DNAAF9: variants seen among roughly 807,000 people sequenced by gnomAD.
DNAAF9 encodes shulin.
In DNAAF9, 90 loss-of-function variants were observed where a neutral mutation model predicts 167.0. That is an observed-to-expected ratio of 0.54 (90% CI 0.45 to 0.64). The LOEUF is 0.64. Among genes scored for constraint, DNAAF9 ranks in the 30% least tolerant of loss-of-function variants. The pLI is 0.00. For missense variants in DNAAF9, 1,315 were observed against 1,442.2 expected, an observed-to-expected ratio of 0.91 and a Z score of 1.43; for synonymous variants, 491 against 508.8, an observed-to-expected ratio of 0.96 and a Z score of 0.47.
intron 17 of DNAAF9, 119 bp from the exon 18 acceptor site, chr20:3,316,912 T>TG (rs2069512479): frequency 8.8e-6 from 5 of 568,618 alleles, no homozygotes; most frequent in African/African-American, 1.9e-5. Flanking sequence ...TTTTTTTTTT[T>TG]GAGACAGAAT....
At chr20:3,372,215 C>CTGGA (rs2083519526) in intron 6 of DNAAF9, among the ~76,000 whole-genome samples, 4 of 152,192 alleles carry the variant, frequency 2.6e-5, no homozygotes, top group Admixed American at 2.6e-4. Flanking sequence ...AGTCATCAGG[C>CTGGA]CATCAGAGTG....
At chr20:3,403,654 TATA>T (rs763801007) in intron 1 of DNAAF9, among the ~76,000 whole-genome samples, 1 of 151,598 alleles carries the variant, frequency 6.6e-6, no homozygotes, top group Non-Finnish European at 1.5e-5. Context: ...ACAAACATGC[TATA>T]ATATCTGCCC....
chr20:3,365,187 C>T (rs990445087), intron 6 of DNAAF9, among the ~76,000 whole-genome samples: 1 of 152,052 alleles, frequency 6.6e-6, no homozygotes, highest in Non-Finnish European at 1.5e-5. Flanking sequence ...GTTGCTCAGA[C>T]TGATCTTGAA....
At chr20:3,289,542 C>A (rs148597683) in intron 26 of DNAAF9, among the ~76,000 whole-genome samples, 1 of 152,138 alleles carries the variant, frequency 6.6e-6, no homozygotes, top group East Asian at 1.9e-4. Context: ...TTTTTTTAAT[C>A]AGGGTCTCAC....
intron 3 of DNAAF9, among the ~76,000 whole-genome samples, chr20:3,377,416 A>G (rs879637782): frequency 3.3e-5 from 5 of 151,770 alleles, no homozygotes; most frequent in Non-Finnish European, 7.4e-5. Context: ...TATGTGATGT[A>G]CCTTACTGCT....
At chr20:3,318,208 T>C in intron 17 of DNAAF9, 81 bp downstream of exon 17, 1 of 674,258 alleles carries the variant, frequency 1.5e-6, no homozygotes, top group South Asian at 1.7e-5. Context: ...TGTTGGCCTT[T>C]TGCCTTAGTT....
intron 17 of DNAAF9, among the ~76,000 whole-genome samples, chr20:3,317,208 G>C (rs963166898): frequency 6.6e-6 from 1 of 151,616 alleles, no homozygotes; most frequent in Non-Finnish European, 1.5e-5. Context: ...CAAAAAATAT[G>C]AAAAATTAGC....
chr20:3,265,780 C>T (rs1268154548), intron 30 of DNAAF9, among the ~76,000 whole-genome samples: 13 of 150,260 alleles, frequency 8.7e-5, no homozygotes, highest in East Asian at 2.0e-4. Context: ...TGAGTTCAAG[C>T]GATTCTCCTG....
intron 20 of DNAAF9, chr20:3,307,193 A>G (rs1337348255): frequency 1.4e-5 from 14 of 978,784 alleles, no homozygotes; most frequent in Non-Finnish European, 1.7e-5. Context: ...TGAAGCCTCA[A>G]AACAAAATGG....
chr20:3,400,050 G>C (rs2083962144), intron 1 of DNAAF9, among the ~76,000 whole-genome samples: 2 of 152,174 alleles, frequency 1.3e-5, no homozygotes, highest in African/African-American at 4.8e-5. Flanking sequence ...AATGGAAAAT[G>C]TTATCTGAAG....
At chr20:3,352,744 C>T (rs2070348242) in intron 7 of DNAAF9, among the ~76,000 whole-genome samples, 1 of 152,052 alleles carries the variant, frequency 6.6e-6, no homozygotes, top group Non-Finnish European at 1.5e-5. Context: ...ATCTTCAGTA[C>T]TGCCTCTACT....
chr20:3,407,181 G>C (rs2084071879), intron 1 of DNAAF9, among the ~76,000 whole-genome samples: 1 of 152,104 alleles, frequency 6.6e-6, no homozygotes, highest in Non-Finnish European at 1.5e-5. Flanking sequence ...CGTCATAACA[G>C]TGTCTTCACA....
intron 31 of DNAAF9, 124 bp from the exon 32 acceptor site, chr20:3,260,152 A>C (rs1366660404): frequency 1.9e-6 from 1 of 534,230 alleles, no homozygotes; most frequent in Non-Finnish European, 3.4e-6. Flanking sequence ...ATCCTGGCTA[A>C]CAAGGTGAAA....
Position 3,253,823 on chromosome 20 carries a change from T to C in DNAAF9, c.3328-4A>G. ...GGGGTTCCAAGTGGCGTTTTACCTG[T>C]AGGAGAAAAGAGACCTGTAATAATT... On this transcript the variant is annotated splice_polypyrimidine_tract_variant and splice_region_variant and intron_variant, in intron 35 of 36. Transcript: ENST00000252032. 6.5e-7 allele frequency: 1 copy of C among 1,541,128 alleles called. No homozygotes were observed. The highest frequency in any genetic ancestry group is 9.0e-7 in the Non-Finnish European group (1 of 1,113,506).
chr20:3,346,415 A>T (rs1001619893), intron 8 of DNAAF9, among the ~76,000 whole-genome samples: 2 of 152,222 alleles, frequency 1.3e-5, no homozygotes, highest in African/African-American at 4.8e-5. Context: ...TTATGTGCAC[A>T]TACAAGAGGG....
At position 3,368,336 on chromosome 20, in the gene DNAAF9, C is replaced by T. The variant is rs138444950; in HGVS notation, c.612+5712G>A. Among the ~76,000 whole-genome samples the T allele has an allele frequency of 7.3e-3, 1,104 of 152,102 alleles. 11 individuals carry two copies. The highest frequency in any genetic ancestry group is 0.023 in the African/African-American group (971 of 41,480). ...TCAAGGGGCTCACATTGATTGTTTC[C>T]GTCTCTCAGGGAATCAGGATTCCTC... On this transcript the variant is annotated intron_variant, in intron 6 of 36. Transcript: ENST00000252032.
At chr20:3,348,388 T>C (rs2070238761) in intron 8 of DNAAF9, 137 bp downstream of exon 8, 2 of 450,482 alleles carry the variant, frequency 4.4e-6, no homozygotes, top group East Asian at 6.7e-5. Context: ...GGAACTACTT[T>C]ATGGTATACA....
chr20:3,270,127 C>A (rs2068566880), intron 30 of DNAAF9, among the ~76,000 whole-genome samples: 1 of 144,834 alleles, frequency 6.9e-6, no homozygotes, highest in African/African-American at 2.6e-5. Context: ...AGCCATTGTG[C>A]CCAGCCTGCT....
At chr20:3,386,696 T>C (rs1295180610) in intron 1 of DNAAF9, among the ~76,000 whole-genome samples, 14 of 151,370 alleles carry the variant, frequency 9.2e-5, no homozygotes, top group Non-Finnish European at 2.1e-4. Flanking sequence ...TGGGAGAAAA[T>C]ATCTGCAAAC....
Sources: allele counts gnomAD v4.1 joint callset (sites outside exome capture counted in the v4.1 genomes callset), GRCh38; gene constraint gnomAD v4.1.1; transcripts MANE v1.5; gene names NCBI Gene and HGNC (gene_info 2026-07-23, HGNC 2026-07-21).